MAGI1: variants seen among roughly 807,000 people sequenced by gnomAD.
MAGI1 encodes membrane associated guanylate kinase, WW and PDZ domain containing 1, also known as membrane-associated guanylate kinase, WW and PDZ domain-containing protein 1.
MAGI1 carries 58 observed loss-of-function variants against 139.9 expected under a neutral mutation model. The observed-to-expected ratio is 0.41, with a 90% CI of 0.34 to 0.52. The LOEUF (loss-of-function observed/expected upper bound fraction) is 0.52, where lower values mean the gene tolerates loss of function less well. Among genes scored for constraint, MAGI1 ranks in the 20% least tolerant of loss-of-function variants. The pLI is 0.12. For synonymous variants in MAGI1, 812 were observed against 737.9 expected, an observed-to-expected ratio of 1.10 and a Z score of -1.63; for missense variants, 1,874 against 1,901.6, an observed-to-expected ratio of 0.99 and a Z score of 0.27.
At chr3:65,400,317 G>C (rs932208414) in intron 13 of MAGI1, among the ~76,000 whole-genome samples, 1 of 152,164 alleles carries the variant, frequency 6.6e-6, no homozygotes, top group Non-Finnish European at 1.5e-5. Flanking sequence ...GGAGAACTTA[G>C]GAGTGAGGTT....
intron 2 of MAGI1, among the ~76,000 whole-genome samples, chr3:65,583,768 C>A (rs1428097470): frequency 6.6e-6 from 1 of 151,976 alleles, no homozygotes; most frequent in African/African-American, 2.4e-5. Flanking sequence ...ATGATCTAAC[C>A]AAGTTTTAAA....
At chr3:65,977,841 C>T (rs1216124582) in intron 1 of MAGI1, among the ~76,000 whole-genome samples, 3 of 152,138 alleles carry the variant, frequency 2.0e-5, no homozygotes, top group African/African-American at 4.8e-5. Context: ...AAACCTGCCA[C>T]GTTCTTTGCC....
intron 1 of MAGI1, among the ~76,000 whole-genome samples, chr3:65,985,232 ATTG>A (rs2065819805): frequency 6.6e-6 from 1 of 152,254 alleles, no homozygotes; most frequent in Non-Finnish European, 1.5e-5. Flanking sequence ...ATGACAAGTT[ATTG>A]TTAACATTAT....
At chr3:66,015,256 A>C (rs942426003) in intron 1 of MAGI1, among the ~76,000 whole-genome samples, 2 of 152,212 alleles carry the variant, frequency 1.3e-5, no homozygotes, top group Admixed American at 6.5e-5. Flanking sequence ...TTGATAAATT[A>C]AGACAGCTAT....
chr3:65,703,096 T>A (rs532298313), intron 1 of MAGI1, among the ~76,000 whole-genome samples: 2 of 152,248 alleles, frequency 1.3e-5, no homozygotes, highest in South Asian at 2.1e-4. Flanking sequence ...CCTGACAATC[T>A]GCCTCATTTG....
chr3:65,470,446 T>A lies in MAGI1; in HGVS notation c.796A>T (p.Thr266Ser). 6 of 1,613,732 alleles carry A rather than the reference T, an allele frequency of 3.7e-6. No individual in the cohort carries two copies. The highest frequency in any genetic ancestry group is 5.1e-6 in the Non-Finnish European group (6 of 1,179,872). The change falls in exon 5 of 23, where the codon ACA becomes TCA. Residue 266 changes from threonine (T) to serine (S), a missense_variant. Physicochemically the swap from Thr to Ser is moderately conservative, Grantham distance 58. This residue lies in a region of MAGI1 where 648 missense variants were observed against 598.1 expected (regional missense o/e 1.08). Coordinates refer to ENST00000402939, the MANE Select transcript of MAGI1 (RefSeq NM_001033057.2). ...CTACTATTCACAGGTGGTAATGCTG[T>A]TTCTTGGAGAGTGTGCTCCTCTTGT... ...GEQEEHTLQE[T>S]ALPPVNSSII...
chr3:65,744,559 C>T (rs527945633), intron 1 of MAGI1, among the ~76,000 whole-genome samples: 1 of 152,106 alleles, frequency 6.6e-6, no homozygotes, highest in Admixed American at 6.5e-5. Flanking sequence ...AGGTTCCAAT[C>T]GTATGGAAAC....
chr3:65,657,575 C>T (rs570358700), intron 1 of MAGI1, among the ~76,000 whole-genome samples: 14 of 152,222 alleles, frequency 9.2e-5, no homozygotes, highest in African/African-American at 3.4e-4. Context: ...ACTTATTGCC[C>T]AAATGAACAC....
Position 65,959,605 on chromosome 3 carries a change from TTA to T in MAGI1, c.313+78389_313+78390del, listed in dbSNP as rs1560056348. ...ATGGGCCACCATCCCAGCATTTTTATTATTATTATTATTATTATTATTATTAT... is the reference window on the plus strand; with the variant it reads ...ATGGGCCACCATCCCAGCATTTTTATTTATTATTATTATTATTATTATTAT... On this transcript the variant is annotated intron_variant, in intron 1 of 22. Transcript: ENST00000402939. 5.1e-3 allele frequency among the ~76,000 whole-genome samples: 434 copies of T among 85,270 alleles called. 4 individuals carry two copies. Among genetic ancestry groups the T allele is most frequent in the Non-Finnish European group, 8.5e-3 (319 of 37,556 alleles). 55.9% of individuals were successfully genotyped at this position (85,270 alleles called of 152,430 possible).
intron 1 of MAGI1, among the ~76,000 whole-genome samples, chr3:65,650,118 T>TCCTCATAAAAGGATGAGTCTGCATTGCA: frequency 6.6e-6 from 1 of 152,164 alleles, no homozygotes; most frequent in East Asian, 1.9e-4. Context: ...ACAGGCTGGT[T>TCCTCATAAAAGGATGAGTCTGCATTGCA]CCTCATAAAA....
intron 4 of MAGI1, among the ~76,000 whole-genome samples, chr3:65,477,815 G>A (rs1159540129): frequency 6.6e-6 from 1 of 150,932 alleles, no homozygotes; most frequent in South Asian, 2.1e-4. Flanking sequence ...TGCCCTTCAG[G>A]GAACACACAT....
intron 1 of MAGI1, among the ~76,000 whole-genome samples, chr3:65,946,031 TA>T (rs1308843379): frequency 2.6e-5 from 4 of 152,232 alleles, no homozygotes; most frequent in Non-Finnish European, 5.9e-5. Context: ...TCCTGCTCTC[TA>T]ATTTATGTTT....
At chr3:65,744,375 C>T (rs775588368) in intron 1 of MAGI1, among the ~76,000 whole-genome samples, 2 of 152,286 alleles carry the variant, frequency 1.3e-5, no homozygotes, top group South Asian at 2.1e-4. Context: ...TACCTCCCTC[C>T]GAGGGCCCAA....
In MAGI1 at chr3:66,028,733, C is replaced by T. The variant is rs377453856; in HGVS notation, c.313+9263G>A. 2.6e-5 allele frequency among the ~76,000 whole-genome samples: 4 copies of T among 152,262 alleles called. No homozygotes were observed. In the East Asian group the frequency reaches 7.7e-4, roughly 29 times the overall value. ...CACCGAGGACAATGTGGGAGAAACTCGGGCAACTCAAACCTCCGTGAGGTC... is the reference window on the plus strand; with the variant it reads ...CACCGAGGACAATGTGGGAGAAACTTGGGCAACTCAAACCTCCGTGAGGTC... On this transcript the variant is annotated intron_variant, in intron 1 of 22. Coordinates refer to ENST00000402939, the MANE Select transcript of MAGI1 (RefSeq NM_001033057.2).
chr3:65,807,429 T>TA (rs2040932834), intron 1 of MAGI1, among the ~76,000 whole-genome samples: 1 of 152,208 alleles, frequency 6.6e-6, no homozygotes, highest in South Asian at 2.1e-4. Context: ...CCTCGTGACT[T>TA]AATCACAGCC....
chr3:65,363,310 G>A (rs1941078724), intron 21 of MAGI1, among the ~76,000 whole-genome samples, 155 bp downstream of exon 21: 1 of 152,204 alleles, frequency 6.6e-6, no homozygotes, highest in Admixed American at 6.5e-5. Context: ...GCTTTAGGCA[G>A]AAATATTTGG....
intron 1 of MAGI1, chr3:65,688,530 G>A: frequency 2.4e-6 from 1 of 425,062 alleles, no homozygotes; most frequent in Non-Finnish European, 4.6e-6. Flanking sequence ...AGGTGCTACT[G>A]GTAGGTGCTA....
rs1245554520 is a variant in MAGI1 at position 65,801,820 on chromosome 3, A to C, written c.314-179732T>G. 4.6e-5 allele frequency among the ~76,000 whole-genome samples: 7 copies of C among 152,242 alleles called. No homozygotes were observed. The East Asian group carries it at 1.2e-3, about 25-fold the overall frequency. ...TTAACCCCTAAAGCAGGGGTCCCCAAACCCCGGGCCACAGACTGCTACCAG... is the reference window on the plus strand; with the variant it reads ...TTAACCCCTAAAGCAGGGGTCCCCACACCCCGGGCCACAGACTGCTACCAG... On this transcript the variant is annotated intron_variant, in intron 1 of 22. Transcript: ENST00000402939.
chr3:65,475,147 G>A (rs1315234853), intron 4 of MAGI1, among the ~76,000 whole-genome samples: 1 of 151,796 alleles, frequency 6.6e-6, no homozygotes, highest in African/African-American at 2.4e-5. Flanking sequence ...ATGTTTTGAT[G>A]TCTCTCAGAG....
Sources: allele counts gnomAD v4.1 joint callset (sites outside exome capture counted in the v4.1 genomes callset), GRCh38; gene constraint gnomAD v4.1.1; regional missense constraint gnomAD v4.1.1; transcripts MANE v1.5; gene names NCBI Gene and HGNC (gene_info 2026-07-23, HGNC 2026-07-21).